The following NUBPL variants were observed in gnomAD, a reference collection of about 807,000 sequenced individuals.
NUBPL encodes the protein NUBP iron-sulfur cluster assembly factor, mitochondrial.
In NUBPL, 31 loss-of-function variants were observed where a neutral mutation model predicts 45.7. The observed-to-expected ratio is 0.68, with a 90% CI of 0.51 to 0.92. The LOEUF (loss-of-function observed/expected upper bound fraction) is 0.92. Among genes scored for constraint, NUBPL ranks in the 40% least tolerant of loss-of-function variants. NUBPL has a pLI of 0.00. For synonymous variants in NUBPL, 144 were observed against 140.9 expected (o/e 1.02, Z -0.15); for missense variants, 401 against 398.7 (o/e 1.01, Z -0.05).
intron 6 of NUBPL, among the ~76,000 whole-genome samples, chr14:31,702,899 T>G (rs2139898853): frequency 6.6e-6 from 1 of 152,354 alleles, no homozygotes; most frequent in Middle Eastern, 3.4e-3. Flanking sequence ...AATTTTTGTT[T>G]GGTGCTTCTG....
In NUBPL at chr14:31,847,644, T is replaced by C. The variant is rs191383795; in HGVS notation, c.814+1053T>C. Among the ~76,000 whole-genome samples the C allele has an allele frequency of 2.1e-4, 32 of 152,346 alleles. 1 individual carries two copies. The highest frequency in any genetic ancestry group is 1.5e-3 in the East Asian group (8 of 5,190). The stretch of plus-strand genomic sequence containing the variant: ...CCAAAGGCAGGTGTTAGATGCTGAA[T>C]AGGGAAGGCATAAAGTGAATTATTA... On this transcript the variant is annotated intron_variant, in intron 9 of 10. Coordinates refer to ENST00000281081, the MANE Select transcript of NUBPL (RefSeq NM_025152.3).
chr14:31,719,690 T>C (rs755379336), intron 6 of NUBPL, among the ~76,000 whole-genome samples: 3 of 151,990 alleles, frequency 2.0e-5, no homozygotes, highest in Non-Finnish European at 2.9e-5. Context: ...AAAAGTCTTA[T>C]ACTTGTGGTA....
At position 31,564,996 on chromosome 14, in the gene NUBPL, T is replaced by G; in HGVS notation, c.257-18T>G. ...AAGGAAAGTTACTAAATTCAATTAC[T>G]TTTTTTGTTTCTTACAGTGAATCTT... On this transcript the variant is annotated intron_variant, in intron 2 of 10. Transcript: ENST00000281081. The G allele has an allele frequency of 6.8e-7, 1 of 1,469,480 alleles. No homozygotes were observed. Among genetic ancestry groups the G allele is most frequent in the South Asian group, 1.3e-5 (1 of 79,012 alleles). The allele number at this position is 1,469,480 out of a possible 1,614,324, so 91.0% of individuals were successfully genotyped here.
chr14:31,603,168 C>G (rs1170358209), intron 4 of NUBPL, among the ~76,000 whole-genome samples: 1 of 151,630 alleles, frequency 6.6e-6, no homozygotes, highest in African/African-American at 2.4e-5. Context: ...GGCATGGTGG[C>G]TCACACCTGT....
intron 6 of NUBPL, among the ~76,000 whole-genome samples, chr14:31,725,536 T>C (rs1410522200): frequency 6.6e-6 from 1 of 152,182 alleles, no homozygotes; most frequent in Non-Finnish European, 1.5e-5. Flanking sequence ...ATATACACTT[T>C]ATACACATAG....
At chr14:31,847,190 T>C (rs1011050254) in intron 9 of NUBPL, among the ~76,000 whole-genome samples, 2 of 152,248 alleles carry the variant, frequency 1.3e-5, no homozygotes, top group Admixed American at 6.5e-5. Context: ...TTTTAAATGA[T>C]ACTCATCAGT....
chr14:31,839,198 C>T (rs1422120372), intron 8 of NUBPL, among the ~76,000 whole-genome samples: 1 of 152,088 alleles, frequency 6.6e-6, no homozygotes, highest in Non-Finnish European at 1.5e-5. Flanking sequence ...TTCATTGAAG[C>T]TGTGACATAC....
chr14:31,821,545 A>C (rs1489852566), intron 7 of NUBPL, among the ~76,000 whole-genome samples: 2 of 152,214 alleles, frequency 1.3e-5, no homozygotes, highest in Admixed American at 1.3e-4. Flanking sequence ...AACAAAGCTG[A>C]CAAGGATGTG....
chr14:31,588,410 T>G (rs1020416184), intron 3 of NUBPL, among the ~76,000 whole-genome samples: 1 of 51,944 alleles, frequency 1.9e-5, no homozygotes, highest in African/African-American at 6.2e-5. Context: ...AAATTAGATC[T>G]CTCTCTCTTT....
intron 8 of NUBPL, among the ~76,000 whole-genome samples, chr14:31,829,530 C>G (rs1305237946): frequency 6.6e-6 from 1 of 152,136 alleles, no homozygotes; most frequent in African/African-American, 2.4e-5. Flanking sequence ...CCTTAAGAGC[C>G]AGCCCCACAG....
intron 6 of NUBPL, among the ~76,000 whole-genome samples, chr14:31,687,817 A>G (rs908939466): frequency 6.6e-6 from 1 of 152,202 alleles, no homozygotes; most frequent in Non-Finnish European, 1.5e-5. Flanking sequence ...GAAAATCACA[A>G]CATTACAAAA....
At chr14:31,783,631 C>T (rs2039232940) in intron 6 of NUBPL, among the ~76,000 whole-genome samples, 1 of 151,228 alleles carries the variant, frequency 6.6e-6, no homozygotes, top group Non-Finnish European at 1.5e-5. Context: ...GATTCTCATG[C>T]CTCAGCTTCC....
intron 6 of NUBPL, among the ~76,000 whole-genome samples, chr14:31,682,496 T>G (rs2036857068): frequency 6.6e-6 from 1 of 152,222 alleles, no homozygotes; most frequent in African/African-American, 2.4e-5. Context: ...ATTGGAATGC[T>G]TAGTTTATTT....
intron 7 of NUBPL, among the ~76,000 whole-genome samples, chr14:31,797,873 C>G (rs975187838): frequency 1.5e-5 from 2 of 132,362 alleles, no homozygotes; most frequent in Admixed American, 1.5e-4. Flanking sequence ...CGGCTGGTAC[C>G]GGTTGTTCCT....
At chr14:31,708,708 C>T (rs1281442264) in intron 6 of NUBPL, among the ~76,000 whole-genome samples, 1 of 152,172 alleles carries the variant, frequency 6.6e-6, no homozygotes, top group East Asian at 1.9e-4. Flanking sequence ...TCCTGGCCCT[C>T]AATGGTTAAA....
At chr14:31,629,430 A>G (rs1243285798) in intron 4 of NUBPL, among the ~76,000 whole-genome samples, 1 of 152,122 alleles carries the variant, frequency 6.6e-6, no homozygotes, top group Non-Finnish European at 1.5e-5. Flanking sequence ...TATTATAGTG[A>G]TGTTAAGGTG....
chr14:31,623,509 C>G (rs577692461), intron 4 of NUBPL, among the ~76,000 whole-genome samples: 2 of 152,258 alleles, frequency 1.3e-5, no homozygotes, highest in African/African-American at 4.8e-5. Flanking sequence ...CCCCATGTGT[C>G]AAGGGCAGGA....
chr14:31,639,449 G>T (rs1272278370), intron 4 of NUBPL, among the ~76,000 whole-genome samples: 1 of 152,144 alleles, frequency 6.6e-6, no homozygotes, highest in African/African-American at 2.4e-5. Flanking sequence ...GAAGTTTTGT[G>T]TCAGAGGAGT....
intron 3 of NUBPL, among the ~76,000 whole-genome samples, chr14:31,582,377 A>G (rs1159028011): frequency 1.9e-4 from 24 of 123,850 alleles, no homozygotes; most frequent in Non-Finnish European, 3.3e-5. Context: ...TTTCAGGAAA[A>G]TTTGTGTACT....
Sources: gnomAD v4.1 joint callset for allele counts (sites outside exome capture counted in the v4.1 genomes callset) on GRCh38, gnomAD v4.1.1 for gene constraint, MANE v1.5 for transcripts, NCBI Gene and HGNC (gene_info 2026-07-23, HGNC 2026-07-21) for gene names.